PDE4D: variants seen among roughly 807,000 people sequenced by gnomAD.
PDE4D encodes the protein phosphodiesterase 4D, also known as 3',5'-cyclic-AMP phosphodiesterase 4D.
In PDE4D, 24 loss-of-function variants were observed where a neutral mutation model predicts 87.4. That is an observed-to-expected ratio of 0.27 (90% confidence interval 0.20 to 0.39). The LOEUF (loss-of-function observed/expected upper bound fraction) is 0.39, where lower values mean the gene tolerates loss of function less well. PDE4D is among the 10% of genes least tolerant of loss of function. The probability of loss-of-function intolerance (pLI) is 1.00; values close to 1 mark genes in which losing one functional copy is unlikely to be tolerated. For synonymous variants in PDE4D, 384 were observed against 383.2 expected (o/e 1.00, Z -0.02); for missense variants, 714 against 1,041.0 (o/e 0.69, Z 4.32).
At chr5:59,613,280 A>G (rs1829230112) in intron 1 of PDE4D, among the ~76,000 whole-genome samples, 1 of 152,218 alleles carries the variant, frequency 6.6e-6, no homozygotes, top group South Asian at 2.1e-4. Flanking sequence ...GAGATCAGGA[A>G]GGCTCCAGGA....
At chr5:59,668,778 G>GAAGAAGAAGA (rs1554056561) in intron 1 of PDE4D, among the ~76,000 whole-genome samples, 14 of 123,522 alleles carry the variant, frequency 1.1e-4, no homozygotes, top group African/African-American at 4.7e-4. Context: ...GAAGAAGAAA[G>GAAGAAGAAGA]AAGAAGAAGA....
intron 1 of PDE4D, among the ~76,000 whole-genome samples, chr5:59,386,423 T>C (rs1001332182): frequency 3.9e-5 from 6 of 152,082 alleles, no homozygotes; most frequent in Non-Finnish European, 1.5e-5. Flanking sequence ...AATATACTAA[T>C]TGGAATGTGA....
chr5:60,146,033 G>A (rs1171468951), intron 2 of PDE4D, among the ~76,000 whole-genome samples: 5 of 152,088 alleles, frequency 3.3e-5, no homozygotes, highest in Non-Finnish European at 7.3e-5. Context: ...GTGCAACACG[G>A]TGAAACCCCG....
At chr5:59,967,340 A>T (rs1269952317) in intron 3 of PDE4D, among the ~76,000 whole-genome samples, 1 of 152,200 alleles carries the variant, frequency 6.6e-6, no homozygotes, top group Admixed American at 6.6e-5. Context: ...TGCAAAATGG[A>T]AGAATATATT....
intron 1 of PDE4D, among the ~76,000 whole-genome samples, chr5:60,453,277 G>A (rs1746231499): frequency 6.6e-6 from 1 of 152,042 alleles, no homozygotes; most frequent in Non-Finnish European, 1.5e-5. Context: ...TCGCAAACCT[G>A]GGAATTATTC....
chr5:59,107,304 G>T (rs946075652), intron 5 of PDE4D, among the ~76,000 whole-genome samples: 5 of 152,096 alleles, frequency 3.3e-5, no homozygotes, highest in Admixed American at 2.0e-4. Flanking sequence ...CGCCTCCCAG[G>T]TGCAAGTGAT....
At chr5:59,721,500 T>C (rs1334403440) in intron 1 of PDE4D, among the ~76,000 whole-genome samples, 1 of 152,154 alleles carries the variant, frequency 6.6e-6, no homozygotes, top group East Asian at 1.9e-4. Flanking sequence ...TCTCATTTCA[T>C]TCAATCAACA....
At chr5:59,303,616 A>G (rs1482094198) in intron 1 of PDE4D, among the ~76,000 whole-genome samples, 1 of 152,082 alleles carries the variant, frequency 6.6e-6, no homozygotes, top group Non-Finnish European at 1.5e-5. Context: ...TGGCTAGCCA[A>G]TTATCTCAGC....
chr5:60,442,611 C>A (rs1745325428), intron 1 of PDE4D, among the ~76,000 whole-genome samples: 1 of 151,752 alleles, frequency 6.6e-6, no homozygotes, highest in African/African-American at 2.4e-5. Context: ...ATAGCCAATA[C>A]AATATTAAAG....
chr5:59,520,385 C>T (rs890731670), intron 1 of PDE4D, among the ~76,000 whole-genome samples: 1 of 152,138 alleles, frequency 6.6e-6, no homozygotes, highest in African/African-American at 2.4e-5. Context: ...TTACTGACCA[C>T]AGTGCCTGAT....
intron 1 of PDE4D, among the ~76,000 whole-genome samples, chr5:60,226,107 G>A (rs752659491): frequency 1.3e-5 from 2 of 152,054 alleles, no homozygotes; most frequent in Non-Finnish European, 2.9e-5. Flanking sequence ...TGTCAACTTT[G>A]TTATTTGAAT....
In PDE4D at chr5:58,969,842, G is replaced by T. The variant is rs912612548; in HGVS notation, c.*4822C>A. The T allele has an allele frequency of 6.6e-6, 1 of 152,074 alleles. No individual in the cohort carries two copies. The allele number at this position is 152,074 out of a possible 1,614,324, so 9.4% of individuals were successfully genotyped here. On this transcript the variant is annotated 3_prime_UTR_variant, in exon 15 of 15. Coordinates refer to ENST00000340635, the MANE Select transcript of PDE4D (RefSeq NM_001104631.2). ...GTAAGTATGGAAGGCCCCTTTCAAA[G>T]CTTGCTTAGAAAACACCATGCTTAA...
chr5:59,892,872 A>T (rs904424853), intron 1 of PDE4D, among the ~76,000 whole-genome samples: 6 of 150,356 alleles, frequency 4.0e-5, no homozygotes, highest in Non-Finnish European at 8.9e-5. Flanking sequence ...GGTGCGTGGC[A>T]CAGATAACTG....
intron 2 of PDE4D, among the ~76,000 whole-genome samples, chr5:59,200,989 C>A (rs532966958): frequency 4.6e-5 from 7 of 151,886 alleles, no homozygotes; most frequent in African/African-American, 1.7e-4. Flanking sequence ...ATTATACATG[C>A]CTTTATTCTT....
chr5:60,518,700 TTTTCTTCAAGAAAGATACTGCCTTTGAGG>T (rs1262403742), intron 1 of PDE4D, among the ~76,000 whole-genome samples: 2 of 152,338 alleles, frequency 1.3e-5, no homozygotes, highest in East Asian at 3.9e-4. Context: ...TGTTATTTTT[TTTTCTTCAAGAAAGATACTGCCTTTGAGG>T]CTTCCAAACT....
chr5:59,886,799 C>A (rs1195488474), intron 1 of PDE4D, among the ~76,000 whole-genome samples: 1 of 151,830 alleles, frequency 6.6e-6, no homozygotes, highest in Non-Finnish European at 1.5e-5. Context: ...AGACTTTCTG[C>A]AAGAAAGACC....
intron 1 of PDE4D, among the ~76,000 whole-genome samples, chr5:59,844,946 A>T (rs796212867): frequency 4.6e-5 from 7 of 152,176 alleles, no homozygotes; most frequent in African/African-American, 1.7e-4. Context: ...GTCTTGAAGT[A>T]AGTGGCCACG....
intron 1 of PDE4D, among the ~76,000 whole-genome samples, chr5:59,867,999 C>T (rs1489695532): frequency 6.6e-6 from 1 of 152,058 alleles, no homozygotes; most frequent in Non-Finnish European, 1.5e-5. Context: ...CTTGTATCAT[C>T]GAGTCAACCC....
At chr5:60,276,763 T>C (rs1309694697) in intron 1 of PDE4D, among the ~76,000 whole-genome samples, 3 of 152,196 alleles carry the variant, frequency 2.0e-5, no homozygotes, top group Admixed American at 1.3e-4. Context: ...TTAATTTGTC[T>C]AAAGTTTTTC....
Sources: gnomAD v4.1 joint callset for allele counts (sites outside exome capture counted in the v4.1 genomes callset) on GRCh38, gnomAD v4.1.1 for gene constraint, MANE v1.5 for transcripts, NCBI Gene and HGNC (gene_info 2026-07-23, HGNC 2026-07-21) for gene names.